Variants in SGCZ observed in about 807,000 individuals in gnomAD.
SGCZ encodes zeta-sarcoglycan.
A neutral mutation model predicts 41.3 loss-of-function variants in SGCZ; 40 were observed. The ratio of observed to expected loss-of-function variants is 0.97; its 90% CI spans 0.75 to 1.26. The LOEUF is 1.26. Among genes scored for constraint, SGCZ ranks in the 50% most tolerant of loss-of-function variants. The pLI is 0.00. For synonymous variants in SGCZ, 206 were observed against 137.5 expected, an observed-to-expected ratio of 1.50 and a Z score of -3.49; for missense variants, 552 against 369.8, an observed-to-expected ratio of 1.49 and a Z score of -4.04.
chr8:14,688,409 C>A (rs4461903), intron 1 of SGCZ, among the ~76,000 whole-genome samples: 122,827 of 152,106 alleles, frequency 0.81, 50,273 homozygotes, highest in African/African-American at 0.93. Context: ...AGCTTTCTAC[C>A]TATGGCTAGC....
At chr8:14,709,547 T>C (rs1809446434) in intron 1 of SGCZ, among the ~76,000 whole-genome samples, 2 of 152,198 alleles carry the variant, frequency 1.3e-5, no homozygotes, top group African/African-American at 4.8e-5. Context: ...ATAGGTTTGC[T>C]AATTCGCTTG....
At chr8:14,334,971 T>G (rs1215893216) in intron 2 of SGCZ, among the ~76,000 whole-genome samples, 1 of 152,102 alleles carries the variant, frequency 6.6e-6, no homozygotes, top group Non-Finnish European at 1.5e-5. Context: ...CTGCTGATCT[T>G]AAAAGTACAG....
chr8:15,122,262 T>C (rs896666065), intron 1 of SGCZ, among the ~76,000 whole-genome samples: 2 of 151,914 alleles, frequency 1.3e-5, no homozygotes, highest in Admixed American at 6.6e-5. Flanking sequence ...TTAATGGGAA[T>C]TGTGGTATGT....
intron 2 of SGCZ, among the ~76,000 whole-genome samples, chr8:14,446,206 C>T (rs1402275390): frequency 6.6e-6 from 1 of 152,176 alleles, no homozygotes; most frequent in African/African-American, 2.4e-5. Context: ...AAGCAGCCTG[C>T]TGTATCCCTA....
intron 2 of SGCZ, among the ~76,000 whole-genome samples, chr8:14,430,108 T>C (rs1799899961): frequency 6.6e-6 from 1 of 152,168 alleles, no homozygotes; most frequent in Non-Finnish European, 1.5e-5. Context: ...AGCAGAATTC[T>C]GCAAGACATT....
chr8:14,964,396 A>G lies in SGCZ; in HGVS notation c.39+273189T>C, dbSNP rs1479312387. 9.8e-5 allele frequency among the ~76,000 whole-genome samples: 15 copies of G among 152,306 alleles called. No individual in the cohort carries two copies. The East Asian group carries it at 2.5e-3, about 25-fold the overall frequency. On this transcript the variant is annotated intron_variant, in intron 1 of 7. Transcript: ENST00000382080. Reference sequence around the variant, plus strand: ...TATAAAGAAGAAAGCCTTTTCACCAATAGATATCAGGAAGATGCCCTGCCT... The same window carrying G: ...TATAAAGAAGAAAGCCTTTTCACCAGTAGATATCAGGAAGATGCCCTGCCT...
chr8:14,702,285 G>C (rs73527568), intron 1 of SGCZ, among the ~76,000 whole-genome samples: 6,405 of 151,798 alleles, frequency 0.042, 427 homozygotes, highest in African/African-American at 0.15. Context: ...TCTTCTCTCT[G>C]TGTTTTTCCT....
chr8:14,504,688 C>G (rs1802253559), intron 2 of SGCZ, among the ~76,000 whole-genome samples: 1 of 152,068 alleles, frequency 6.6e-6, no homozygotes, highest in African/African-American at 2.4e-5. Context: ...AGATGCCTGA[C>G]ATTCTTCAAT....
chr8:15,118,753 C>G (rs549294632), intron 1 of SGCZ, among the ~76,000 whole-genome samples: 78 of 152,116 alleles, frequency 5.1e-4, no homozygotes, highest in Middle Eastern at 6.8e-3. Context: ...GAAAAGGCAC[C>G]CTAGGAACTT....
chr8:14,743,926 T>C (rs2130289890), intron 1 of SGCZ, among the ~76,000 whole-genome samples: 1 of 152,206 alleles, frequency 6.6e-6, no homozygotes, highest in East Asian at 1.9e-4. Flanking sequence ...ATTCTGGGGA[T>C]CCGAAAGGAC....
At chr8:14,637,202 T>G (rs1184004796) in intron 1 of SGCZ, among the ~76,000 whole-genome samples, 1 of 151,870 alleles carries the variant, frequency 6.6e-6, no homozygotes, top group African/African-American at 2.4e-5. Flanking sequence ...TCTGCTGAGT[T>G]AGATTTATTC....
intron 2 of SGCZ, among the ~76,000 whole-genome samples, chr8:14,400,429 A>T (rs1219256982): frequency 1.3e-5 from 2 of 152,132 alleles, no homozygotes; most frequent in Non-Finnish European, 2.9e-5. Context: ...GACTATAAAG[A>T]ATAATACATA....
intron 2 of SGCZ, among the ~76,000 whole-genome samples, chr8:14,403,545 A>G (rs923001840): frequency 6.6e-6 from 1 of 152,034 alleles, no homozygotes; most frequent in Non-Finnish European, 1.5e-5. Flanking sequence ...TATTGAGATA[A>G]CCATGTGGTT....
chr8:14,896,404 T>C (rs1443541319), intron 1 of SGCZ, among the ~76,000 whole-genome samples: 1 of 152,182 alleles, frequency 6.6e-6, no homozygotes, highest in Non-Finnish European at 1.5e-5. Context: ...CAAATAATGA[T>C]TCTACATTTC....
At chr8:15,173,569 G>A (rs980794813) in intron 1 of SGCZ, among the ~76,000 whole-genome samples, 2 of 152,132 alleles carry the variant, frequency 1.3e-5, no homozygotes, top group African/African-American at 4.8e-5. Context: ...CAAAATATGT[G>A]TAAATTAAAG....
chr8:14,413,122 T>A (rs1430722254), intron 2 of SGCZ, among the ~76,000 whole-genome samples: 4 of 152,036 alleles, frequency 2.6e-5, no homozygotes, highest in Admixed American at 1.3e-4. Flanking sequence ...AAGTTTAAAC[T>A]TCTTATCAAT....
At chr8:14,642,514 T>C (rs188186029) in intron 1 of SGCZ, among the ~76,000 whole-genome samples, 2 of 150,982 alleles carry the variant, frequency 1.3e-5, no homozygotes, top group East Asian at 3.9e-4. Context: ...GTATCGACCT[T>C]ACATATTGGC....
chr8:14,233,910 T>C (rs1806662857), intron 4 of SGCZ, among the ~76,000 whole-genome samples: 1 of 151,968 alleles, frequency 6.6e-6, no homozygotes, highest in Non-Finnish European at 1.5e-5. Flanking sequence ...TCTTGGGATG[T>C]TGTACTTTCT....
At chr8:14,519,973 G>A (rs1216413940) in intron 2 of SGCZ, among the ~76,000 whole-genome samples, 1 of 151,934 alleles carries the variant, frequency 6.6e-6, no homozygotes, top group Non-Finnish European at 1.5e-5. Context: ...AATAAGTGCT[G>A]ATTGTAAAAA....
Sources: allele counts gnomAD v4.1 joint callset (sites outside exome capture counted in the v4.1 genomes callset), GRCh38; gene constraint gnomAD v4.1.1; transcripts MANE v1.5; gene names NCBI Gene and HGNC (gene_info 2026-07-23, HGNC 2026-07-21).